The following TUBB3 variants were observed in gnomAD, a reference collection of about 807,000 sequenced individuals.
The protein encoded by TUBB3 is tubulin beta-3 chain.
Under a neutral mutation model 37.8 loss-of-function variants are expected in TUBB3, and 17 were observed. The ratio of observed to expected loss-of-function variants is 0.45; its 90% confidence interval spans 0.31 to 0.67. The LOEUF (loss-of-function observed/expected upper bound fraction) is 0.67. Ranked by LOEUF, TUBB3 falls within the 30% of genes least tolerant of loss-of-function variation. The pLI is 0.07. For missense variants in TUBB3, 262 were observed against 657.9 expected, an observed-to-expected ratio of 0.40 and a Z score of 6.58; for synonymous variants, 332 against 278.9, an observed-to-expected ratio of 1.19 and a Z score of -1.90.
At chr16:89,929,057 G>A (rs2030189564) in intron 1 of TUBB3, among the ~76,000 whole-genome samples, 1 of 151,622 alleles carries the variant, frequency 6.6e-6, no homozygotes, top group African/African-American at 2.4e-5. Context: ...CTGCCCCCTG[G>A]GTTCAAGCGA....
At chr16:89,932,852 C>A (rs1188859965) in intron 2 of TUBB3, 173 bp downstream of exon 2, 11 of 646,686 alleles carry the variant, frequency 1.7e-5, no homozygotes, top group Non-Finnish European at 3.1e-5. Context: ...TCCAGACGCA[C>A]AGAACAGACA....
intron 3 of TUBB3, chr16:89,934,314 G>A (rs1267428466): frequency 1.5e-5 from 7 of 476,890 alleles, no homozygotes; most frequent in Non-Finnish European, 2.9e-5. Context: ...CTTCACTTCT[G>A]CCTTCCCGAC....
chr16:89,931,613 A>G (rs2030281320), intron 1 of TUBB3: 1 of 158,634 alleles, frequency 6.3e-6, no homozygotes, highest in Admixed American at 6.3e-5. Context: ...TATACCATTT[A>G]TATGCCTCAC....
chr16:89,929,525 A>T (rs1298354221), intron 1 of TUBB3, among the ~76,000 whole-genome samples: 1 of 152,210 alleles, frequency 6.6e-6, no homozygotes, highest in Non-Finnish European at 1.5e-5. Context: ...TTTTAAAAAC[A>T]TTTATTTTTA....
chr16:89,932,890 C>T (rs1308220131), intron 2 of TUBB3: 5 of 612,074 alleles, frequency 8.2e-6, no homozygotes, highest in Non-Finnish European at 1.5e-5. Flanking sequence ...AAGTGAGAGC[C>T]AAACATATTA....
intron 1 of TUBB3, among the ~76,000 whole-genome samples, chr16:89,923,951 C>T (rs1008939842): frequency 6.6e-6 from 1 of 152,138 alleles, no homozygotes; most frequent in Admixed American, 6.5e-5. Context: ...CCCGATTTCC[C>T]CAGCCTGCTC....
chr16:89,922,227 C>G (rs1374944179), upstream of TUBB3: 1 of 152,398 alleles, frequency 6.6e-6, no homozygotes, highest in Non-Finnish European at 1.5e-5. Context: ...GCACACAGAC[C>G]GGACACAGGC....
chr16:89,932,903 G>T (rs1399705920), intron 2 of TUBB3: 7 of 592,982 alleles, frequency 1.2e-5, no homozygotes, highest in Non-Finnish European at 2.1e-5. Flanking sequence ...ACATATTAGT[G>T]CCATGAGGGC....
chr16:89,926,816 C>G (rs1329523318), intron 1 of TUBB3, among the ~76,000 whole-genome samples: 1 of 152,136 alleles, frequency 6.6e-6, no homozygotes, highest in African/African-American at 2.4e-5. Context: ...TTCCTGGGTT[C>G]AAGCTATTCT....
At chr16:89,929,119 C>A (rs996595670) in intron 1 of TUBB3, among the ~76,000 whole-genome samples, 1 of 152,024 alleles carries the variant, frequency 6.6e-6, no homozygotes, top group African/African-American at 2.4e-5. Context: ...CGCGCTACCA[C>A]GCCCGGCTAA....
In TUBB3 at chr16:89,935,684, C is replaced by A; in HGVS notation, c.1233C>A (p.Ala411=). ...TGGACGAGATGGAGTTCACCGAGGC[C>A]GAGAGCAACATGAACGACCTGGTGT... ...EGMDEMEFTE[A]ESNMNDLVSE... The change falls in exon 4 of 4, where the codon GCC becomes GCA. Residue 411 remains alanine, a synonymous_variant. Coordinates refer to ENST00000315491, the MANE Select transcript of TUBB3 (RefSeq NM_006086.4). 6.2e-7 allele frequency: 1 copy of A among 1,613,806 alleles called. No homozygotes were observed. Among genetic ancestry groups the A allele is most frequent in the Non-Finnish European group, 8.5e-7 (1 of 1,179,886 alleles).
intron 1 of TUBB3, among the ~76,000 whole-genome samples, chr16:89,929,557 A>G (rs940506597): frequency 6.6e-6 from 1 of 152,234 alleles, no homozygotes; most frequent in African/African-American, 2.4e-5. Flanking sequence ...TTGAAAAGCT[A>G]CCGTGTGCAC....
chr16:89,926,499 G>T (rs1055354397), intron 1 of TUBB3, among the ~76,000 whole-genome samples: 8 of 152,250 alleles, frequency 5.3e-5, no homozygotes, highest in Admixed American at 1.3e-4. Context: ...CAAGCGCTGC[G>T]CGAGGTCAGC....
At position 89,935,374 on chromosome 16, in the gene TUBB3, GC is replaced by G. The variant is rs2030420660; in HGVS notation, c.925del (p.Arg309AlafsTer3). The G allele has an allele frequency of 6.2e-7, 1 of 1,614,150 alleles. No individual in the cohort carries two copies. The highest frequency in any genetic ancestry group is 8.5e-7 in the Non-Finnish European group (1 of 1,180,050). The stretch of plus-strand genomic sequence containing the variant: ...ATGGCCGCCTGCGACCCGCGCCACG[GC>G]CGCTACCTGACGGTGGCCACCGTGT... ...NMMAACDPRH[G>X]RYLTVATVFR... On this transcript the variant is annotated frameshift_variant, in exon 4 of 4. Coordinates refer to ENST00000315491, the MANE Select transcript of TUBB3 (RefSeq NM_006086.4). LOFTEE classifies it high-confidence loss of function.
intron 1 of TUBB3, 100 bp downstream of exon 1, chr16:89,923,558 C>T: frequency 8.5e-7 from 1 of 1,172,670 alleles, no homozygotes; most frequent in Non-Finnish European, 1.1e-6. Flanking sequence ...CCCCTGCGAA[C>T]CTGCAACAAA....
At chr16:89,932,808 T>A in intron 2 of TUBB3, 129 bp downstream of exon 2, 2 of 763,958 alleles carry the variant, frequency 2.6e-6, no homozygotes, top group Non-Finnish European at 4.5e-6. Flanking sequence ...TTAGGTTGGC[T>A]GAGATGCCAG....
intron 1 of TUBB3, 79 bp from the exon 2 acceptor site, chr16:89,932,492 C>G: frequency 1.6e-6 from 2 of 1,247,278 alleles, no homozygotes; most frequent in South Asian, 1.2e-5. Flanking sequence ...GTAGTGAGGG[C>G]TAAAAGGCTT....
chr16:89,935,936 C>T lies in TUBB3; in HGVS notation c.*132C>T. On this transcript the variant is annotated 3_prime_UTR_variant, in exon 4 of 4. Coordinates refer to ENST00000315491, the MANE Select transcript of TUBB3 (RefSeq NM_006086.4). ...CTAGGGCTCCCTTGCCGCCCTCCTGCAGTATTTATGGCCTCGTCCTCCCCA... is the reference window on the plus strand; with the variant it reads ...CTAGGGCTCCCTTGCCGCCCTCCTGTAGTATTTATGGCCTCGTCCTCCCCA... The T allele has an allele frequency of 1.7e-6, 2 of 1,208,266 alleles. No individual in the cohort carries two copies. The highest frequency in any genetic ancestry group is 1.1e-6 in the Non-Finnish European group (1 of 870,160). 74.8% of individuals were successfully genotyped at this position (1,208,266 alleles called of 1,614,324 possible).
chr16:89,933,744 G>A, intron 3 of TUBB3, 166 bp downstream of exon 3: 1 of 723,378 alleles, frequency 1.4e-6, no homozygotes, highest in Non-Finnish European at 2.5e-6. Flanking sequence ...GAGGCCCAGA[G>A]AAAGGGTTCT....
Sources: allele counts gnomAD v4.1 joint callset (sites outside exome capture counted in the v4.1 genomes callset), GRCh38; gene constraint gnomAD v4.1.1; transcripts MANE v1.5; gene names NCBI Gene and HGNC (gene_info 2026-07-23, HGNC 2026-07-21).